The following CWF19L2 variants were observed in gnomAD, a reference collection of about 807,000 sequenced individuals.
CWF19L2 encodes the protein CWF19 like cell cycle control factor 2.
Under a neutral mutation model 111.7 loss-of-function variants are expected in CWF19L2, and 98 were observed. The observed-to-expected ratio is 0.88, with a 90% CI of 0.75 to 1.04. The LOEUF (loss-of-function observed/expected upper bound fraction) is 1.04. Ranked by LOEUF, CWF19L2 falls within the 50% of genes least tolerant of loss-of-function variation. CWF19L2 has a pLI of 0.00. For missense variants in CWF19L2, 1,101 were observed against 1,051.4 expected (o/e 1.05, Z -0.65); for synonymous variants, 351 against 342.9 (o/e 1.02, Z -0.26).
intron 16 of CWF19L2, among the ~76,000 whole-genome samples, 171 bp from the exon 17 acceptor site, chr11:107,330,190 A>T (rs2134517388): frequency 6.6e-6 from 1 of 152,330 alleles, no homozygotes; most frequent in African/African-American, 2.4e-5. Flanking sequence ...CTTTCTGAGT[A>T]AAATATCTCA....
intron 8 of CWF19L2, among the ~76,000 whole-genome samples, chr11:107,427,082 T>C (rs1449090491): frequency 6.6e-6 from 1 of 152,034 alleles, no homozygotes; most frequent in Non-Finnish European, 1.5e-5. Context: ...GAACAATACA[T>C]ACAAAGAAGT....
At chr11:107,342,346 A>G (rs1259325683) in intron 14 of CWF19L2, among the ~76,000 whole-genome samples, 2 of 151,752 alleles carry the variant, frequency 1.3e-5, no homozygotes, top group African/African-American at 2.4e-5. Context: ...ACATGTTGTA[A>G]TTTCATTGTA....
chr11:107,382,121 T>C (rs995929505), intron 12 of CWF19L2, among the ~76,000 whole-genome samples: 4 of 152,210 alleles, frequency 2.6e-5, no homozygotes, highest in South Asian at 2.1e-4. Flanking sequence ...AAGGTAACAC[T>C]GACGTCTTAA....
rs758852389 is a variant in CWF19L2 at position 107,418,258 on chromosome 11, A to G, written c.1463T>C (p.Leu488Pro). The G allele has an allele frequency of 3.1e-6, 5 of 1,612,856 alleles. No individual in the cohort carries two copies. The highest frequency in any genetic ancestry group is 4.2e-6 in the Non-Finnish European group (5 of 1,178,880). The change falls in exon 9 of 18, where the codon CTG (leucine) becomes CCG (proline). Residue 488 changes from leucine (L) to proline (P), a missense_variant. By Grantham distance (98) the Leu-to-Pro change is moderately conservative (BLOSUM62 -3). Coordinates refer to ENST00000282251, the MANE Select transcript of CWF19L2 (RefSeq NM_152434.3). ...GSPERESIHILSVDEKNKLGA... is the reference protein window; with the variant it reads ...GSPERESIHIPSVDEKNKLGA... ...CAACTTGTTCTTCTCATCAACACTC[A>G]GGATGTGAATGGACTCACGCTCTGG...
chr11:107,406,385 A>T (rs1861077957), intron 10 of CWF19L2, among the ~76,000 whole-genome samples: 1 of 152,122 alleles, frequency 6.6e-6, no homozygotes, highest in Non-Finnish European at 1.5e-5. Context: ...GCTTTTGAAT[A>T]ATTTCTACTT....
At chr11:107,385,214 T>C (rs500616) in intron 12 of CWF19L2, among the ~76,000 whole-genome samples, 84,349 of 151,846 alleles carry the variant, frequency 0.56, 25,022 homozygotes, top group African/African-American at 0.78. Flanking sequence ...AATCCCAATG[T>C]GAAATCAGCA....
In CWF19L2 at chr11:107,429,190, T is replaced by C. The variant is rs1006583888; in HGVS notation, c.1042A>G (p.Arg348Gly). The stretch of plus-strand genomic sequence containing the variant: ...TTTTGCCTTGGGTTAGATTCTCTTC[T>C]ACACGTTTCTAAAGACCCAGGTCTC... The part of the protein sequence containing the change: ...DKRPGSLETC[R>G]RESNPRQNQE... The change falls in exon 8 of 18, where the codon AGA becomes GGA. Residue 348 changes from arginine (R) to glycine (G), a missense_variant. Transcript: ENST00000282251. 1 of 1,613,856 alleles carries C rather than the reference T, an allele frequency of 6.2e-7. No homozygotes were observed. Among genetic ancestry groups the C allele is most frequent in the Non-Finnish European group, 8.5e-7 (1 of 1,179,808 alleles).
At chr11:107,353,351 T>C (rs1265900937) in intron 13 of CWF19L2, among the ~76,000 whole-genome samples, 173 bp downstream of exon 13, 3 of 152,190 alleles carry the variant, frequency 2.0e-5, no homozygotes, top group Admixed American at 2.0e-4. Flanking sequence ...AGATGCTTTG[T>C]ATACAATGGA....
chr11:107,441,724 G>T, intron 4 of CWF19L2, 102 bp from the exon 5 acceptor site: 1 of 1,227,228 alleles, frequency 8.1e-7, no homozygotes, highest in Non-Finnish European at 1.1e-6. Flanking sequence ...CAGGGACTTT[G>T]GAGGCAATCA....
At position 107,420,040 on chromosome 11, in the gene CWF19L2, A is replaced by C. The variant is rs181325623; in HGVS notation, c.1434-1753T>G. On this transcript the variant is annotated intron_variant, in intron 8 of 17. Coordinates refer to ENST00000282251, the MANE Select transcript of CWF19L2 (RefSeq NM_152434.3). ...AAGACAAAGCAACCACTATTTAAAA[A>C]AAAATATATAGCAACCAAGGAAATG... Among the ~76,000 whole-genome samples, 398 of 152,206 alleles carry C rather than the reference A, an allele frequency of 2.6e-3. 3 individuals are homozygous for C. Among genetic ancestry groups the C allele is most frequent in the African/African-American group, 9.4e-3 (390 of 41,570 alleles).
At chr11:107,453,618 T>C (rs11212250) in intron 3 of CWF19L2, among the ~76,000 whole-genome samples, 8,232 of 151,590 alleles carry the variant, frequency 0.054, 315 homozygotes, top group Non-Finnish European at 0.086. Flanking sequence ...CCAGCTGTGG[T>C]GGCTATGGGG....
intron 10 of CWF19L2, among the ~76,000 whole-genome samples, chr11:107,398,840 C>T (rs188971583): frequency 6.6e-5 from 10 of 152,274 alleles, no homozygotes; most frequent in East Asian, 1.9e-4. Flanking sequence ...GATTTCTCAG[C>T]GGAAACCCTA....
intron 12 of CWF19L2, among the ~76,000 whole-genome samples, chr11:107,386,157 A>G (rs554980641): frequency 1.8e-4 from 28 of 152,216 alleles, no homozygotes; most frequent in South Asian, 2.1e-4. Context: ...GAAACTACAG[A>G]TAAGTACCAC....
intron 14 of CWF19L2, among the ~76,000 whole-genome samples, chr11:107,337,754 G>T (rs1591149029): frequency 6.6e-6 from 1 of 152,126 alleles, no homozygotes; most frequent in South Asian, 2.1e-4. Context: ...AGTTGGCCTT[G>T]TAAGAGTTTA....
chr11:107,353,918 C>G (rs574928898), intron 12 of CWF19L2, among the ~76,000 whole-genome samples, 182 bp from the exon 13 acceptor site: 1 of 152,268 alleles, frequency 6.6e-6, no homozygotes, highest in East Asian at 1.9e-4. Context: ...ATCATCACCA[C>G]AGCTAAAGTT....
chr11:107,378,436 C>T (rs1291942335), intron 12 of CWF19L2, among the ~76,000 whole-genome samples: 6 of 151,868 alleles, frequency 4.0e-5, no homozygotes, highest in East Asian at 1.9e-4. Context: ...ACTATGCAGC[C>T]GTAAAAAATG....
chr11:107,376,201 A>C (rs1380134271), intron 12 of CWF19L2, among the ~76,000 whole-genome samples: 1 of 121,636 alleles, frequency 8.2e-6, no homozygotes, highest in African/African-American at 3.5e-5. Context: ...AGGAACTGGT[A>C]CCATTCCTTC....
chr11:107,332,754 A>C (rs749443563), intron 16 of CWF19L2, among the ~76,000 whole-genome samples: 1 of 151,950 alleles, frequency 6.6e-6, no homozygotes, highest in African/African-American at 2.4e-5. Flanking sequence ...CCAAAAAGTG[A>C]CCTCCTTTGG....
chr11:107,354,100 C>CTT (rs58883142), intron 12 of CWF19L2, among the ~76,000 whole-genome samples: 1 of 144,216 alleles, frequency 6.9e-6, no homozygotes. Context: ...GAATGTGGAA[C>CTT]TTTTTTTTTT....
Sources: allele counts gnomAD v4.1 joint callset (sites outside exome capture counted in the v4.1 genomes callset), GRCh38; gene constraint gnomAD v4.1.1; transcripts MANE v1.5; gene names NCBI Gene and HGNC (gene_info 2026-07-23, HGNC 2026-07-21).